STS: variants seen among roughly 807,000 people sequenced by gnomAD.
STS encodes steroid sulfatase, also known as steryl-sulfatase.
A neutral mutation model predicts 26.8 loss-of-function variants in STS; 7 were observed. That is an observed-to-expected ratio of 0.26 (90% confidence interval 0.15 to 0.49). The LOEUF (loss-of-function observed/expected upper bound fraction) is 0.49, where lower values mean the gene tolerates loss of function less well. Ranked by LOEUF, STS falls within the 20% of genes least tolerant of loss-of-function variation. The pLI is 0.98. For synonymous variants in STS, 199 were observed against 189.4 expected, an observed-to-expected ratio of 1.05 and a Z score of -0.42; for missense variants, 434 against 465.6, an observed-to-expected ratio of 0.93 and a Z score of 0.63.
At chrX:7,164,249 A>C (rs1244990121) in intron 1 of STS, among the ~76,000 whole-genome samples, 1 of 111,875 alleles carries the variant, frequency 8.9e-6, no homozygotes, top group Non-Finnish European at 1.9e-5. Context: ...ATTCTGACAC[A>C]CACCTTTTCT....
At chrX:7,206,357 C>G (rs1483816085) in intron 2 of STS, among the ~76,000 whole-genome samples, 16 of 112,353 alleles carry the variant, frequency 1.4e-4, no homozygotes, top group African/African-American at 5.2e-4. Flanking sequence ...ATCTTCGCAG[C>G]ATTCTGCTGA....
At chrX:7,327,204 TAGTG>T (rs1927519480) in intron 9 of STS, among the ~76,000 whole-genome samples, 1 of 110,401 alleles carries the variant, frequency 9.1e-6, no homozygotes, top group African/African-American at 3.3e-5. Context: ...AAAAAGGTGA[TAGTG>T]AGAAAGACAA....
At chrX:7,198,695 G>A (rs1934016156) in intron 2 of STS, among the ~76,000 whole-genome samples, 1 of 112,646 alleles carries the variant, frequency 8.9e-6, no homozygotes, top group African/African-American at 3.2e-5. Context: ...GCAAGATGTA[G>A]TTGGTTAGGT....
At chrX:7,248,671 T>TTCTTA (rs1555954889) in intron 2 of STS, among the ~76,000 whole-genome samples, 1 of 49,259 alleles carries the variant, frequency 2.0e-5, no homozygotes, top group South Asian at 8.2e-4. Context: ...ATAAGAATTT[T>TTCTTA]TCTTGTTTTT....
At chrX:7,163,056 CA>C (rs60006129) in intron 1 of STS, among the ~76,000 whole-genome samples, 4,296 of 74,631 alleles carry the variant, frequency 0.058, 307 homozygotes, top group African/African-American at 0.2. Flanking sequence ...GACTCCGTCT[CA>C]AAAAAAAAAA....
At chrX:7,196,826 T>C (rs112965186) in intron 2 of STS, among the ~76,000 whole-genome samples, 28 of 111,570 alleles carry the variant, frequency 2.5e-4, no homozygotes, top group African/African-American at 8.5e-4. Flanking sequence ...CCTGGTAGTC[T>C]GCCTGTATCC....
rs769570860 is a variant in STS, at chrX:7,350,957, G to A, written c.*696G>A. 8.9e-6 allele frequency: 1 copy of A among 112,245 alleles called. No individual in the cohort carries two copies. Among genetic ancestry groups the A allele is most frequent in the African/African-American group, 3.2e-5 (1 of 30,906 alleles). 9.3% of individuals were successfully genotyped at this position (112,245 alleles called of 1,213,427 possible). A position where few individuals can be genotyped will look rare whatever the true frequency, so the allele number is the denominator to read the frequency against. Reference sequence around the variant, plus strand: ...CAAAAGGGTTAAGATGTCTAAAATAGGGACCTAGAAGCTTAACACTATTTA... The same window carrying A: ...CAAAAGGGTTAAGATGTCTAAAATAAGGACCTAGAAGCTTAACACTATTTA... On this transcript the variant is annotated 3_prime_UTR_variant, in exon 11 of 11. Coordinates refer to ENST00000674429, the MANE Select transcript of STS (RefSeq NM_001320752.2).
chrX:7,236,728 T>G (rs1177559656), intron 2 of STS, among the ~76,000 whole-genome samples: 1 of 112,459 alleles, frequency 8.9e-6, no homozygotes, highest in Non-Finnish European at 1.9e-5. Flanking sequence ...CCTGATAAAG[T>G]ATTTAAGTGT....
chrX:7,210,511 TA>T (rs1601655525), intron 2 of STS, among the ~76,000 whole-genome samples: 2 of 107,266 alleles, frequency 1.9e-5, no homozygotes, highest in South Asian at 7.5e-4. Flanking sequence ...TATATATTTA[TA>T]AAAAATAGAT....
At chrX:7,173,347 G>T (rs1933504508) in intron 1 of STS, among the ~76,000 whole-genome samples, 1 of 111,595 alleles carries the variant, frequency 9.0e-6, no homozygotes, top group South Asian at 3.8e-4. Context: ...TCATTGATGG[G>T]CATTTAGGTT....
chrX:7,279,588 T>C (rs1924756381), intron 7 of STS, among the ~76,000 whole-genome samples: 2 of 108,586 alleles, frequency 1.8e-5, no homozygotes, highest in South Asian at 8.0e-4. Context: ...TTGGAGTTAG[T>C]CATTGTACTT....
At chrX:7,158,156 C>A (rs768710891) in intron 1 of STS, among the ~76,000 whole-genome samples, 1 of 111,630 alleles carries the variant, frequency 9.0e-6, no homozygotes, top group Non-Finnish European at 1.9e-5. Flanking sequence ...CAGCGACACT[C>A]CTCAGAGAGG....
intron 2 of STS, among the ~76,000 whole-genome samples, chrX:7,224,419 C>G (rs966525661): frequency 3.6e-5 from 4 of 110,742 alleles, no homozygotes; most frequent in Non-Finnish European, 7.6e-5. Flanking sequence ...TATTTCCCCC[C>G]CAAATTCATA....
chrX:7,191,863 T>C (rs1237804686), intron 2 of STS, among the ~76,000 whole-genome samples: 1 of 112,556 alleles, frequency 8.9e-6, no homozygotes, highest in Non-Finnish European at 1.9e-5. Context: ...CAGAGCATGG[T>C]CCCTGCCTGC....
intron 7 of STS, among the ~76,000 whole-genome samples, chrX:7,281,372 C>T (rs1392244715): frequency 9.0e-6 from 1 of 111,381 alleles, no homozygotes; most frequent in Non-Finnish European, 1.9e-5. Context: ...CTGAGCATGA[C>T]AGGGCAACCC....
chrX:7,266,874 G>T (rs1016854034), intron 6 of STS, among the ~76,000 whole-genome samples: 2 of 111,880 alleles, frequency 1.8e-5, no homozygotes, highest in Non-Finnish European at 3.8e-5. Context: ...TGGAATGGTT[G>T]CCAATTATAC....
intron 2 of STS, among the ~76,000 whole-genome samples, chrX:7,213,008 T>C (rs1489028081): frequency 8.9e-6 from 1 of 111,797 alleles, no homozygotes; most frequent in Non-Finnish European, 1.9e-5. Flanking sequence ...AAAGAAAAAC[T>C]GTTGAGCCCA....
At chrX:7,148,738 G>T (rs1932942899) in intron 1 of STS, among the ~76,000 whole-genome samples, 1 of 112,276 alleles carries the variant, frequency 8.9e-6, no homozygotes, top group African/African-American at 3.2e-5. Context: ...TGTGCGGAGA[G>T]GCTGCACAAC....
chrX:7,316,626 A>G (rs937443426), intron 8 of STS, among the ~76,000 whole-genome samples: 6 of 112,235 alleles, frequency 5.3e-5, no homozygotes, highest in Non-Finnish European at 9.4e-5. Context: ...AATTTTAAGG[A>G]TATTCTTCAA....
Sources: allele counts gnomAD v4.1 joint callset (sites outside exome capture counted in the v4.1 genomes callset), GRCh38; gene constraint gnomAD v4.1.1; transcripts MANE v1.5; gene names NCBI Gene and HGNC (gene_info 2026-07-23, HGNC 2026-07-21).